The following LRRC53 variants were observed in gnomAD, a reference collection of about 807,000 sequenced individuals.
The protein encoded by LRRC53 is leucine-rich repeat-containing protein 53.
Under a neutral mutation model 13.6 loss-of-function variants are expected in LRRC53, and 25 were observed. That is an observed-to-expected ratio of 1.83 (90% CI 1.34 to 2.56). LRRC53 has a LOEUF of 2.56. Among genes scored for constraint, LRRC53 ranks in the 30% most tolerant of loss-of-function variants. LRRC53 has a pLI of 0.00. For missense variants in LRRC53, 527 were observed against 275.8 expected, an observed-to-expected ratio of 1.91 and a Z score of -6.45; for synonymous variants, 204 against 109.8, an observed-to-expected ratio of 1.86 and a Z score of -5.37.
rs1266630750 is a variant in LRRC53 at position 74,475,294 on chromosome 1, C to T, written c.1420+1G>A. ...GATTTTCTAAAACAAGACAAACTCA[C>T]CTTCTGTTCTTATTATATGGTGTTG... On this transcript the variant is annotated splice_donor_variant, in intron 4 of 4. Coordinates refer to ENST00000294635, the MANE Select transcript of LRRC53 (RefSeq NM_001382280.1). LOFTEE classifies it high-confidence loss of function. 2 of 643,606 alleles carry T rather than the reference C, an allele frequency of 3.1e-6. No individual in the cohort carries two copies. Among genetic ancestry groups the T allele is most frequent in the Non-Finnish European group, 5.7e-6 (2 of 351,506 alleles). The allele number at this position is 643,606 out of a possible 1,614,324, so 39.9% of individuals were successfully genotyped here.
At chr1:74,517,004 C>T (rs1646358486), upstream of LRRC53, among the ~76,000 whole-genome samples, 1 of 152,166 alleles carries the variant, frequency 6.6e-6, no homozygotes, top group South Asian at 2.1e-4. Context: ...TGAGAAAACA[C>T]TGATAGCAAT....
At chr1:74,502,844 G>T (rs1169356342) in intron 1 of LRRC53, among the ~76,000 whole-genome samples, 1 of 152,108 alleles carries the variant, frequency 6.6e-6, no homozygotes, top group Non-Finnish European at 1.5e-5. Context: ...GCGTGCCGTG[G>T]ACTCCCTCTG....
chr1:74,480,057 T>C (rs1230521325), intron 3 of LRRC53, 96 bp downstream of exon 3: 1 of 621,654 alleles, frequency 1.6e-6, no homozygotes, highest in African/African-American at 1.8e-5. Context: ...TCCATAGCCC[T>C]GGCAACCAAG....
intron 1 of LRRC53, among the ~76,000 whole-genome samples, chr1:74,501,699 G>T (rs1014949748): frequency 1.3e-5 from 2 of 152,002 alleles, no homozygotes; most frequent in Non-Finnish European, 1.5e-5. Context: ...ATGTTGGTCA[G>T]GCTGGTTGTG....
intron 1 of LRRC53, among the ~76,000 whole-genome samples, chr1:74,492,443 G>T (rs1375175247): frequency 6.6e-6 from 1 of 152,114 alleles, no homozygotes; most frequent in Non-Finnish European, 1.5e-5. Flanking sequence ...TTTATTATCT[G>T]TTAGCCTAGG....
In LRRC53 at chr1:74,470,707, A is replaced by G. The variant is rs1667884455; in HGVS notation, c.2915T>C (p.Met972Thr). Reference sequence around the variant, plus strand: ...TTGATGTGATATTTGGGGTTTTGTCATTAATGTTTTTTCTTTATTTTCAAG... The same window carrying G: ...TTGATGTGATATTTGGGGTTTTGTCGTTAATGTTTTTTCTTTATTTTCAAG... ...AQLENKEKTL[M>T]TKPQISHQIV... Residue 972 changes from methionine to threonine, a missense_variant, in exon 5 of 5, where the codon ATG (methionine) becomes ACG (threonine). Transcript: ENST00000294635. 1 of 400,514 alleles carries G rather than the reference A, an allele frequency of 2.5e-6. No individual in the cohort carries two copies. The highest frequency in any genetic ancestry group is 3.6e-5 in the East Asian group (1 of 28,050). 24.8% of individuals were successfully genotyped at this position (400,514 alleles called of 1,614,324 possible). A position where few individuals can be genotyped will look rare whatever the true frequency, so the allele number is the denominator to read the frequency against.
chr1:74,513,496 C>T (rs934276474), upstream of LRRC53, among the ~76,000 whole-genome samples: 1 of 152,244 alleles, frequency 6.6e-6, no homozygotes, highest in African/African-American at 2.4e-5. Flanking sequence ...TTTGCATTCT[C>T]ACTGCAAGAG....
chr1:74,501,892 A>C (rs538846351), intron 1 of LRRC53, among the ~76,000 whole-genome samples: 2 of 151,942 alleles, frequency 1.3e-5, no homozygotes, highest in Non-Finnish European at 2.9e-5. Flanking sequence ...ATATATATAC[A>C]TTTTCTTTTT....
At chr1:74,525,678 A>G in the LRRC53 span, among the ~76,000 whole-genome samples, 5 of 152,252 alleles carry the variant, frequency 3.3e-5, no homozygotes, top group African/African-American at 1.2e-4. Flanking sequence ...AGCTTAATAA[A>G]TAACCAATAT....
intron 4 of LRRC53, among the ~76,000 whole-genome samples, chr1:74,472,779 T>C (rs1173114052): frequency 3.3e-5 from 5 of 152,162 alleles, no homozygotes. Context: ...TTTTGAAATA[T>C]AGCCAGGTTT....
At chr1:74,524,451 T>A in the LRRC53 span, among the ~76,000 whole-genome samples, 2 of 152,174 alleles carry the variant, frequency 1.3e-5, no homozygotes, top group East Asian at 3.9e-4. Context: ...TAGGGCCAAC[T>A]GGTGACTAAC....
chr1:74,479,410 A>T (rs1668364716), intron 3 of LRRC53, among the ~76,000 whole-genome samples: 1 of 152,232 alleles, frequency 6.6e-6, no homozygotes, highest in Non-Finnish European at 1.5e-5. Flanking sequence ...TCCTCCCCTT[A>T]GTTGGTCTGG....
At chr1:74,520,910 A>C in the LRRC53 span, among the ~76,000 whole-genome samples, 1 of 152,072 alleles carries the variant, frequency 6.6e-6, no homozygotes, top group South Asian at 2.1e-4. Context: ...TTTAATTTGC[A>C]CAGTTGTGAA....
At position 74,477,820 on chromosome 1, in the gene LRRC53, G is replaced by A. The variant is rs558690670; in HGVS notation, c.905-2010C>T. On this transcript the variant is annotated intron_variant, in intron 3 of 4. Transcript: ENST00000294635. ...AGACGTTTGAATTTTCTTTGCCATG[G>A]GCATTGTTTCTATTTTTAAAAAGTG... 1.4e-4 allele frequency among the ~76,000 whole-genome samples: 21 copies of A among 152,260 alleles called. No individual in the cohort carries two copies. The South Asian group carries it at 4.4e-3, about 32-fold the overall frequency.
intron 1 of LRRC53, among the ~76,000 whole-genome samples, chr1:74,502,624 G>C (rs748218296): frequency 6.6e-6 from 1 of 152,146 alleles, no homozygotes; most frequent in African/African-American, 2.4e-5. Context: ...GAACTACCTC[G>C]CACTTAAACT....
At position 74,480,365 on chromosome 1, in the gene LRRC53, T is replaced by A; in HGVS notation, c.692A>T (p.Asn231Ile). Reference protein sequence around the residue: ...DLHPLARFLRNYIKSSAHTLR... With the variant: ...DLHPLARFLRIYIKSSAHTLR... ...CGTGTGAGCAGAAGACTTAATGTAG[T>A]TTCTTAAAAACCGAGCAAGGGGATG... Residue 231 changes from asparagine to isoleucine, a missense_variant, in exon 3 of 5, where the codon AAC becomes ATC. Asn to Ile is a moderately radical substitution (Grantham distance 149). Coordinates refer to ENST00000294635, the MANE Select transcript of LRRC53 (RefSeq NM_001382280.1). 1.4e-6 allele frequency: 1 copy of A among 717,684 alleles called. No homozygotes were observed. Among genetic ancestry groups the A allele is most frequent in the South Asian group, 1.5e-5 (1 of 67,600 alleles). 44.5% of individuals were successfully genotyped at this position (717,684 alleles called of 1,614,324 possible).
chr1:74,531,555 T>C, the LRRC53 span, among the ~76,000 whole-genome samples: 1 of 152,214 alleles, frequency 6.6e-6, no homozygotes, highest in African/African-American at 2.4e-5. Context: ...TAAATAGATC[T>C]GTTTTCAGCT....
At chr1:74,483,505 A>G (rs1017641458) in intron 1 of LRRC53, 130 bp from the exon 2 acceptor site, 35 of 520,952 alleles carry the variant, frequency 6.7e-5, no homozygotes, top group South Asian at 1.2e-4. Flanking sequence ...TTCTCTTAAG[A>G]TGCCAGGTAA....
chr1:74,499,889 C>A (rs1200366038), intron 1 of LRRC53, among the ~76,000 whole-genome samples: 1 of 151,998 alleles, frequency 6.6e-6, no homozygotes, highest in East Asian at 1.9e-4. Flanking sequence ...ATAGTTACAT[C>A]CATTGTGACT....
Sources: gnomAD v4.1 joint callset for allele counts (sites outside exome capture counted in the v4.1 genomes callset) on GRCh38, gnomAD v4.1.1 for gene constraint, MANE v1.5 for transcripts, NCBI Gene and HGNC (gene_info 2026-07-23, HGNC 2026-07-21) for gene names.